The following CSMD1 variants were observed in gnomAD, a reference collection of about 807,000 sequenced individuals.
CSMD1 encodes the protein CUB and sushi domain-containing protein 1.
In CSMD1, 213 loss-of-function variants were observed where a neutral mutation model predicts 417.5. The observed-to-expected ratio is 0.51, with a 90% CI of 0.46 to 0.57. The LOEUF is 0.57. CSMD1 is among the 20% of genes least tolerant of loss of function. The pLI, the probability that CSMD1 is intolerant of heterozygous loss-of-function variation, is 0.00. For synonymous variants in CSMD1, 2,862 were observed against 1,736.8 expected (o/e 1.65, Z -16.11); for missense variants, 6,923 against 4,529.7 (o/e 1.53, Z -15.17).
At chr8:3,267,410 A>C (rs1801514970) in intron 26 of CSMD1, among the ~76,000 whole-genome samples, 1 of 152,206 alleles carries the variant, frequency 6.6e-6, no homozygotes, top group Admixed American at 6.5e-5. Context: ...GCTTCGCTGC[A>C]ACAATAGATG....
At chr8:3,484,108 C>G (rs1195186861) in intron 11 of CSMD1, among the ~76,000 whole-genome samples, 2 of 152,132 alleles carry the variant, frequency 1.3e-5, no homozygotes, top group Non-Finnish European at 2.9e-5. Flanking sequence ...TATAGATTGG[C>G]ACCTGCCCTA....
At chr8:3,256,124 T>C (rs1800632874) in intron 26 of CSMD1, among the ~76,000 whole-genome samples, 1 of 151,800 alleles carries the variant, frequency 6.6e-6, no homozygotes, top group Non-Finnish European at 1.5e-5. Context: ...GGTCAGGAGT[T>C]CCAGACCAGC....
rs189956275 is a variant in CSMD1, at chr8:3,413,118, T to C, written c.1562-3513A>G. Among the ~76,000 whole-genome samples the C allele has an allele frequency of 3.4e-4, 52 of 152,300 alleles. 1 individual carries two copies. Among genetic ancestry groups the C allele is most frequent in the Non-Finnish European group, 6.9e-4 (47 of 68,022 alleles). ...AAGGGTGGCCATGAGAATTAAAGAA[T>C]AAGATTCATGGAAATTACCTGGTAT... On this transcript the variant is annotated intron_variant, in intron 12 of 69. Coordinates refer to ENST00000635120, the MANE Select transcript of CSMD1 (RefSeq NM_033225.6).
chr8:3,178,470 C>A (rs17319073), intron 37 of CSMD1, among the ~76,000 whole-genome samples: 9,085 of 152,054 alleles, frequency 0.06, 300 homozygotes, highest in Non-Finnish European at 0.07. Flanking sequence ...TATACGTCAC[C>A]TTCCTGGTAG....
intron 2 of CSMD1, among the ~76,000 whole-genome samples, chr8:4,436,938 T>C (rs1382022800): frequency 6.6e-6 from 1 of 152,200 alleles, no homozygotes; most frequent in Non-Finnish European, 1.5e-5. Flanking sequence ...CTGAGGTTGC[T>C]TCCAAATCTT....
chr8:3,097,098 T>C (rs1308307885), intron 46 of CSMD1, 61 bp from the exon 47 acceptor site: 1 of 1,310,388 alleles, frequency 7.6e-7, no homozygotes, highest in Non-Finnish European at 1.0e-6. Flanking sequence ...TGCAATAGGA[T>C]AGTTTCTATC....
intron 23 of CSMD1, among the ~76,000 whole-genome samples, chr8:3,325,776 A>T (rs1218511498): frequency 6.6e-6 from 1 of 152,208 alleles, no homozygotes; most frequent in Non-Finnish European, 1.5e-5. Context: ...GTGAGCCGAG[A>T]CTGTACCACT....
Position 4,721,979 on chromosome 8 carries a change from G to C in CSMD1, c.86-84421C>G, listed in dbSNP as rs117072791. Among the ~76,000 whole-genome samples the C allele has an allele frequency of 7.3e-3, 1,104 of 152,222 alleles. 8 individuals carry two copies. The highest frequency in any genetic ancestry group is 0.011 in the Admixed American group (170 of 15,272). On this transcript the variant is annotated intron_variant, in intron 1 of 69. Transcript: ENST00000635120. The stretch of plus-strand genomic sequence containing the variant: ...TAATCTTACAAAAACGGAATACAAA[G>C]AAACAGGAGAAGAACGATGGTTATT...
At chr8:3,105,668 T>A (rs1244255413) in intron 46 of CSMD1, among the ~76,000 whole-genome samples, 1 of 152,236 alleles carries the variant, frequency 6.6e-6, no homozygotes, top group Non-Finnish European at 1.5e-5. Flanking sequence ...GAGAAAAACT[T>A]GAGATGTGCA....
At chr8:3,242,058 A>C in intron 26 of CSMD1, among the ~76,000 whole-genome samples, 1 of 110,886 alleles carries the variant, frequency 9.0e-6, no homozygotes, top group Non-Finnish European at 2.0e-5. Context: ...TTTATATTTG[A>C]TGAAAAAGAG....
intron 3 of CSMD1, among the ~76,000 whole-genome samples, chr8:4,320,358 C>T (rs887717747): frequency 6.6e-6 from 1 of 151,482 alleles, no homozygotes; most frequent in Non-Finnish European, 1.5e-5. Context: ...ACAAATAAAC[C>T]TTTTTTATTA....
intron 3 of CSMD1, among the ~76,000 whole-genome samples, chr8:4,327,172 T>C (rs575381670): frequency 1.3e-5 from 2 of 152,340 alleles, no homozygotes; most frequent in African/African-American, 4.8e-5. Flanking sequence ...AGATACATTA[T>C]TGTATATATA....
intron 1 of CSMD1, among the ~76,000 whole-genome samples, chr8:4,977,028 A>G (rs1406864533): frequency 6.6e-6 from 1 of 152,170 alleles, no homozygotes; most frequent in African/African-American, 2.4e-5. Flanking sequence ...TGACCATATT[A>G]TGTGTTGGCA....
At chr8:3,230,830 C>T (rs139345604) in intron 26 of CSMD1, among the ~76,000 whole-genome samples, 28 of 152,058 alleles carry the variant, frequency 1.8e-4, no homozygotes, top group African/African-American at 6.5e-4. Flanking sequence ...ATATGGCCAC[C>T]CTAATATTAA....
intron 1 of CSMD1, among the ~76,000 whole-genome samples, chr8:4,941,514 G>C (rs938255801): frequency 6.6e-6 from 1 of 152,122 alleles, no homozygotes; most frequent in Non-Finnish European, 1.5e-5. Context: ...ATCTACACAT[G>C]TAACTTGTTG....
At chr8:4,749,983 T>C (rs1402877698) in intron 1 of CSMD1, among the ~76,000 whole-genome samples, 1 of 151,788 alleles carries the variant, frequency 6.6e-6, no homozygotes, top group East Asian at 1.9e-4. Context: ...AATAAAACCC[T>C]TGTTTAATTG....
intron 4 of CSMD1, among the ~76,000 whole-genome samples, chr8:4,008,600 CTTTTTTTTT>C (rs1161117794): frequency 1.4e-4 from 11 of 80,406 alleles, no homozygotes; most frequent in African/African-American, 5.8e-4. Context: ...TTCTTTTTTT[CTTTTTTTTT>C]TTTTTTTTTT....
Position 4,844,518 on chromosome 8 carries a change from G to C in CSMD1, c.85+149814C>G, listed in dbSNP as rs866279009. 8.7e-4 allele frequency among the ~76,000 whole-genome samples: 132 copies of C among 152,228 alleles called. 1 individual carries two copies. The Middle Eastern group carries it at 0.014, about 16-fold the overall frequency. On this transcript the variant is annotated intron_variant, in intron 1 of 69. Transcript: ENST00000635120. The stretch of plus-strand genomic sequence containing the variant: ...GCACTCTTGGCCGCGTCAAGGTCAG[G>C]ACTGCCTGCTGCGACTGGCTCGAGA...
chr8:4,447,532 C>G (rs77419795), intron 2 of CSMD1, among the ~76,000 whole-genome samples: 1,980 of 152,286 alleles, frequency 0.013, 23 homozygotes, highest in Non-Finnish European at 0.021. Flanking sequence ...ATCCAAATCC[C>G]TCACTCTACA....
Sources: gnomAD v4.1 joint callset for allele counts (sites outside exome capture counted in the v4.1 genomes callset) on GRCh38, gnomAD v4.1.1 for gene constraint, MANE v1.5 for transcripts, NCBI Gene and HGNC (gene_info 2026-07-23, HGNC 2026-07-21) for gene names.